AOPEP: variants seen among roughly 807,000 people sequenced by gnomAD.
AOPEP encodes the protein aminopeptidase O.
Under a neutral mutation model 98.1 loss-of-function variants are expected in AOPEP, and 77 were observed. The observed-to-expected ratio is 0.78, with a 90% CI of 0.65 to 0.95. The LOEUF is 0.95. AOPEP is among the 40% of genes least tolerant of loss of function. AOPEP has a pLI of 0.00. For missense variants in AOPEP, 1,024 were observed against 1,024.7 expected, an observed-to-expected ratio of 1.00 and a Z score of 0.01; for synonymous variants, 346 against 365.3, an observed-to-expected ratio of 0.95 and a Z score of 0.60.
At chr9:94,731,134 G>A (rs997652111) in intron 1 of AOPEP, among the ~76,000 whole-genome samples, 1 of 152,124 alleles carries the variant, frequency 6.6e-6, no homozygotes, top group African/African-American at 2.4e-5. Context: ...CACTCCGCCC[G>A]GTAAGTGCTT....
chr9:95,111,311 TCAC>T, the AOPEP span: 1 of 1,591,434 alleles, frequency 6.3e-7, no homozygotes, highest in Non-Finnish European at 8.5e-7. Flanking sequence ...AGGCTGGAGA[TCAC>T]CATGCCTGCA....
At chr9:94,803,471 C>T (rs371988559) in intron 5 of AOPEP, among the ~76,000 whole-genome samples, 9 of 152,182 alleles carry the variant, frequency 5.9e-5, no homozygotes, top group East Asian at 5.8e-4. Flanking sequence ...TTGAATATTA[C>T]GTATCATAGT....
chr9:94,841,002 C>T (rs963698439), intron 5 of AOPEP, among the ~76,000 whole-genome samples: 1 of 151,988 alleles, frequency 6.6e-6, no homozygotes, highest in East Asian at 1.9e-4. Flanking sequence ...CCTGATCTTA[C>T]TTTTATTATT....
the AOPEP span, chr9:95,111,522 A>C: frequency 6.2e-7 from 1 of 1,614,146 alleles, no homozygotes; most frequent in East Asian, 2.2e-5. Flanking sequence ...GCCAAGAGCC[A>C]CAGCAGGGCC....
chr9:94,952,634 A>G (rs1279171546), intron 7 of AOPEP, among the ~76,000 whole-genome samples: 1 of 152,212 alleles, frequency 6.6e-6, no homozygotes, highest in East Asian at 1.9e-4. Context: ...CTCTCTACGC[A>G]GACCTGGTAT....
chr9:94,910,548 G>A (rs1309392391), intron 5 of AOPEP, among the ~76,000 whole-genome samples: 2 of 152,234 alleles, frequency 1.3e-5, no homozygotes, highest in African/African-American at 4.8e-5. Flanking sequence ...TTGACTTGAG[G>A]ATGTGCTTTT....
chr9:94,928,810 G>C (rs555954977), intron 7 of AOPEP: 38 of 354,264 alleles, frequency 1.1e-4, no homozygotes, highest in African/African-American at 7.1e-4. Context: ...CACTTTACGT[G>C]GTGGCTGCGG....
At chr9:94,963,229 G>A (rs1244659862) in intron 9 of AOPEP, among the ~76,000 whole-genome samples, 2 of 151,736 alleles carry the variant, frequency 1.3e-5, no homozygotes, top group African/African-American at 4.8e-5. Context: ...TAAAATACTC[G>A]ACAGAAATTG....
chr9:95,144,668 C>A, the AOPEP span, among the ~76,000 whole-genome samples: 1 of 152,280 alleles, frequency 6.6e-6, no homozygotes, highest in South Asian at 2.1e-4. Context: ...AAATATATTC[C>A]TAGATGAATC....
intron 5 of AOPEP, among the ~76,000 whole-genome samples, chr9:94,863,405 C>T (rs1472845786): frequency 2.6e-5 from 4 of 151,946 alleles, no homozygotes; most frequent in Non-Finnish European, 5.9e-5. Context: ...CTCAGCCTCC[C>T]GAATAGCTGG....
intron 5 of AOPEP, among the ~76,000 whole-genome samples, chr9:94,890,020 A>G (rs1464251262): frequency 6.8e-6 from 1 of 147,612 alleles, no homozygotes; most frequent in Non-Finnish European, 1.5e-5. Flanking sequence ...TAATTGTATT[A>G]CTTGATTTTT....
chr9:95,005,013 C>T (rs1214064341), intron 11 of AOPEP, 145 bp from the exon 12 acceptor site: 2 of 192,368 alleles, frequency 1.0e-5, no homozygotes, highest in South Asian at 1.7e-4. Context: ...CCCGGGCGGG[C>T]GCAGGGCGCG....
intron 13 of AOPEP, among the ~76,000 whole-genome samples, chr9:95,056,932 T>C (rs78274301): frequency 0.01 from 1,584 of 152,312 alleles, 30 homozygotes; most frequent in African/African-American, 0.037. Context: ...CTTTGGCACC[T>C]TGTAGTCCTA....
chr9:94,738,928 A>G (rs1333658833), intron 1 of AOPEP, among the ~76,000 whole-genome samples: 2 of 152,238 alleles, frequency 1.3e-5, no homozygotes, highest in African/African-American at 4.8e-5. Flanking sequence ...CTAAATCCCC[A>G]TGAATAATAA....
At chr9:94,954,041 A>C (rs2058289418) in intron 7 of AOPEP, among the ~76,000 whole-genome samples, 1 of 152,154 alleles carries the variant, frequency 6.6e-6, no homozygotes, top group Non-Finnish European at 1.5e-5. Flanking sequence ...CAAGGCATAA[A>C]GCTGGGCGTG....
intron 1 of AOPEP, among the ~76,000 whole-genome samples, chr9:94,753,644 A>G (rs953617816): frequency 1.3e-5 from 2 of 152,240 alleles, no homozygotes; most frequent in African/African-American, 4.8e-5. Context: ...ATAAATGTAA[A>G]GAAATTCATT....
At chr9:94,987,595 A>C (rs1392108911) in intron 11 of AOPEP, among the ~76,000 whole-genome samples, 2 of 152,188 alleles carry the variant, frequency 1.3e-5, no homozygotes, top group African/African-American at 2.4e-5. Context: ...CCTCCTTCTC[A>C]TTCTCAGGTC....
At chr9:94,789,612 A>G (rs1845202363) in intron 3 of AOPEP, among the ~76,000 whole-genome samples, 1 of 152,194 alleles carries the variant, frequency 6.6e-6, no homozygotes, top group Admixed American at 6.5e-5. Flanking sequence ...CATGGGAGAC[A>G]TTGGGTTCCA....
chr9:94,896,375 C>T lies in AOPEP; in HGVS notation c.1365-27611C>T, dbSNP rs186203469. Among the ~76,000 whole-genome samples the T allele has an allele frequency of 3.0e-4, 46 of 152,298 alleles. No individual in the cohort carries two copies. The East Asian group carries it at 6.2e-3, about 20-fold the overall frequency. On this transcript the variant is annotated intron_variant, in intron 5 of 16. Coordinates refer to ENST00000375315, the MANE Select transcript of AOPEP (RefSeq NM_001193329.3). Reference sequence around the variant, plus strand: ...ATACTGCATGTAGATGCTCCCCTTCCGAGGAGATGGGACATAATGCCCTGC... The same window carrying T: ...ATACTGCATGTAGATGCTCCCCTTCTGAGGAGATGGGACATAATGCCCTGC...
Sources: allele counts gnomAD v4.1 joint callset (sites outside exome capture counted in the v4.1 genomes callset), GRCh38; gene constraint gnomAD v4.1.1; transcripts MANE v1.5; gene names NCBI Gene and HGNC (gene_info 2026-07-23, HGNC 2026-07-21).